The following DENND2B variants were observed in gnomAD, a reference collection of about 807,000 sequenced individuals.
DENND2B encodes DENN domain-containing protein 2B.
Under a neutral mutation model 116.0 loss-of-function variants are expected in DENND2B, and 32 were observed. The ratio of observed to expected loss-of-function variants is 0.28; its 90% confidence interval spans 0.21 to 0.37. The LOEUF (loss-of-function observed/expected upper bound fraction) is 0.37, where lower values mean the gene tolerates loss of function less well. Ranked by LOEUF, DENND2B falls within the 10% of genes least tolerant of loss-of-function variation. The pLI is 1.00. For synonymous variants in DENND2B, 588 were observed against 583.9 expected (o/e 1.01, Z -0.10); for missense variants, 1,276 against 1,477.7 (o/e 0.86, Z 2.24).
At chr11:8,819,219 A>AC (rs1351534724) in intron 4 of DENND2B, among the ~76,000 whole-genome samples, 3 of 151,800 alleles carry the variant, frequency 2.0e-5, no homozygotes, top group Non-Finnish European at 4.4e-5. Context: ...ACATGGCAAA[A>AC]CCCCCATCTC....
chr11:8,824,027 C>T (rs1594116514), intron 4 of DENND2B, among the ~76,000 whole-genome samples: 1 of 151,882 alleles, frequency 6.6e-6, no homozygotes, highest in Middle Eastern at 3.4e-3. Flanking sequence ...TTCAGGCTCC[C>T]CAGTAGCTGG....
intron 1 of DENND2B, among the ~76,000 whole-genome samples, chr11:8,806,203 A>C (rs17337866): frequency 0.23 from 34,713 of 151,960 alleles, 4,335 homozygotes; most frequent in Middle Eastern, 0.36. Context: ...CCCTCAGTTT[A>C]TCTCATTTTT....
intron 2 of DENND2B, among the ~76,000 whole-genome samples, chr11:8,748,859 C>A (rs546133743): frequency 3.3e-5 from 5 of 152,036 alleles, no homozygotes; most frequent in South Asian, 2.1e-4. Context: ...TCAGCAGTCT[C>A]GAGTCTGCTT....
intron 1 of DENND2B, among the ~76,000 whole-genome samples, chr11:8,751,484 C>T (rs150236605): frequency 0.033 from 4,950 of 152,254 alleles, 230 homozygotes; most frequent in East Asian, 0.11. Context: ...ACTGCTCACT[C>T]TTTGGGTCCA....
At chr11:8,838,627 T>C (rs1227410305) in intron 4 of DENND2B, among the ~76,000 whole-genome samples, 2 of 152,150 alleles carry the variant, frequency 1.3e-5, no homozygotes, top group East Asian at 3.8e-4. Context: ...AAGAGACCAC[T>C]GCAAAGGCCA....
chr11:8,732,394 C>T (rs1415315807), intron 2 of DENND2B, among the ~76,000 whole-genome samples: 2 of 152,200 alleles, frequency 1.3e-5, no homozygotes. Context: ...GTAAGTGAAA[C>T]CAGGACGTGA....
chr11:8,720,102 G>A (rs1403890289), intron 4 of DENND2B, among the ~76,000 whole-genome samples: 1 of 152,124 alleles, frequency 6.6e-6, no homozygotes, highest in Non-Finnish European at 1.5e-5. Context: ...ACAGAGGGAA[G>A]GAGGGAGAGA....
intron 1 of DENND2B, among the ~76,000 whole-genome samples, chr11:8,910,343 C>T (rs570482369): frequency 5.3e-4 from 80 of 151,572 alleles, no homozygotes; most frequent in African/African-American, 1.8e-3. Flanking sequence ...TAGCGACACC[C>T]CAAAATGTAG....
intron 3 of DENND2B, chr11:8,726,467 T>C: frequency 2.5e-6 from 1 of 406,282 alleles, no homozygotes; most frequent in South Asian, 4.1e-5. Context: ...AAAAGCATGC[T>C]GTTCCAGGTG....
upstream of DENND2B, among the ~76,000 whole-genome samples, chr11:8,873,726 C>T (rs1298823253): frequency 6.6e-6 from 1 of 152,204 alleles, no homozygotes; most frequent in Admixed American, 6.5e-5. Context: ...ATCTGCCTAG[C>T]ACAGTGCCCA....
intron 4 of DENND2B, among the ~76,000 whole-genome samples, chr11:8,830,093 G>C (rs985046554): frequency 6.6e-6 from 1 of 152,030 alleles, no homozygotes; most frequent in African/African-American, 2.4e-5. Context: ...CCTTTCTCTG[G>C]CCTCTCCAAA....
At chr11:8,840,524 G>A (rs2062588735) in intron 3 of DENND2B, among the ~76,000 whole-genome samples, 1 of 152,142 alleles carries the variant, frequency 6.6e-6, no homozygotes, top group Non-Finnish European at 1.5e-5. Flanking sequence ...CAGCTGCCCT[G>A]GAGAAAACAA....
At chr11:8,876,706 G>A (rs1435913157) in intron 2 of DENND2B, among the ~76,000 whole-genome samples, 4 of 151,922 alleles carry the variant, frequency 2.6e-5, no homozygotes, top group African/African-American at 9.7e-5. Context: ...GTGAAACCCC[G>A]TCTCTTCTAA....
chr11:8,836,954 G>C (rs942569973), intron 4 of DENND2B, among the ~76,000 whole-genome samples: 5 of 152,250 alleles, frequency 3.3e-5, no homozygotes, highest in African/African-American at 1.2e-4. Context: ...GGGATCAAGT[G>C]ATCTGTCTGT....
intron 11 of DENND2B, among the ~76,000 whole-genome samples, chr11:8,710,019 G>C (rs2043316514): frequency 6.6e-6 from 1 of 152,158 alleles, no homozygotes; most frequent in Non-Finnish European, 1.5e-5. Context: ...CTTCTGATAA[G>C]GGATGATAAG....
At chr11:8,718,843 C>T (rs1187771339) in intron 4 of DENND2B, 2 of 997,270 alleles carry the variant, frequency 2.0e-6, no homozygotes, top group Non-Finnish European at 2.4e-6. Context: ...TATCTCCTGC[C>T]CCCACCCCTC....
chr11:8,784,970 C>T (rs2058759746), intron 1 of DENND2B, among the ~76,000 whole-genome samples: 1 of 152,078 alleles, frequency 6.6e-6, no homozygotes, highest in South Asian at 2.1e-4. Context: ...GAAGTAATGG[C>T]TCTGTGGCCA....
intron 2 of DENND2B, among the ~76,000 whole-genome samples, chr11:8,862,558 C>T (rs2063432895): frequency 6.6e-6 from 1 of 151,980 alleles, no homozygotes; most frequent in Admixed American, 6.5e-5. Flanking sequence ...TGGTCTCAAA[C>T]TCCTGAGCTC....
intron 4 of DENND2B, among the ~76,000 whole-genome samples, chr11:8,835,892 T>C (rs1370350524): frequency 6.6e-6 from 1 of 152,176 alleles, no homozygotes. Context: ...GCTCACTGCC[T>C]GTTCTCCTGA....
Sources: gnomAD v4.1 joint callset for allele counts (sites outside exome capture counted in the v4.1 genomes callset) on GRCh38, gnomAD v4.1.1 for gene constraint, MANE v1.5 for transcripts, NCBI Gene and HGNC (gene_info 2026-07-23, HGNC 2026-07-21) for gene names.